The following CCDC60 variants were observed in gnomAD, a reference collection of about 807,000 sequenced individuals.
The protein encoded by CCDC60 is coiled-coil domain-containing protein 60.
A neutral mutation model predicts 63.5 loss-of-function variants in CCDC60; 54 were observed. The ratio of observed to expected loss-of-function variants is 0.85; its 90% CI spans 0.68 to 1.07. The LOEUF (loss-of-function observed/expected upper bound fraction) is 1.07, where lower values mean the gene tolerates loss of function less well. Ranked by LOEUF, CCDC60 falls within the 50% of genes least tolerant of loss-of-function variation. The probability of loss-of-function intolerance (pLI) is 0.00; values close to 1 mark genes in which losing one functional copy is unlikely to be tolerated. For missense variants in CCDC60, 651 were observed against 684.3 expected (o/e 0.95, Z 0.54); for synonymous variants, 206 against 238.8 (o/e 0.86, Z 1.27).
chr12:119,343,704 T>G (rs1463204761), intron 1 of CCDC60, among the ~76,000 whole-genome samples: 7 of 150,172 alleles, frequency 4.7e-5, no homozygotes, highest in Non-Finnish European at 1.0e-4. Flanking sequence ...AAGCTTGAGG[T>G]AGAAACAAGT....
At chr12:119,511,177 C>G (rs1952207560) in intron 7 of CCDC60, among the ~76,000 whole-genome samples, 1 of 152,196 alleles carries the variant, frequency 6.6e-6, no homozygotes, top group South Asian at 2.1e-4. Context: ...TAACCTCCAT[C>G]CAATTTGTCA....
chr12:119,462,983 C>A (rs768959437), intron 2 of CCDC60, among the ~76,000 whole-genome samples: 12 of 152,202 alleles, frequency 7.9e-5, no homozygotes, highest in Non-Finnish European at 1.5e-4. Context: ...GCCACCACGC[C>A]CAGCTAATAT....
At chr12:119,378,908 G>A (rs1274927387) in intron 1 of CCDC60, among the ~76,000 whole-genome samples, 1 of 152,184 alleles carries the variant, frequency 6.6e-6, no homozygotes, top group Non-Finnish European at 1.5e-5. Flanking sequence ...TACATGGTGG[G>A]TAAGCCACCC....
chr12:119,453,769 G>T (rs905824560), intron 2 of CCDC60, among the ~76,000 whole-genome samples: 1 of 151,968 alleles, frequency 6.6e-6, no homozygotes, highest in Admixed American at 6.6e-5. Context: ...TGAAGAAGAA[G>T]AAGAAAGAAG....
chr12:119,497,167 T>C (rs533210801), intron 5 of CCDC60, among the ~76,000 whole-genome samples: 1 of 152,122 alleles, frequency 6.6e-6, no homozygotes, highest in Non-Finnish European at 1.5e-5. Context: ...ACAAAGCAAG[T>C]CACAGTGCTA....
chr12:119,505,606 A>T (rs1261399981), intron 7 of CCDC60, among the ~76,000 whole-genome samples: 1 of 152,234 alleles, frequency 6.6e-6, no homozygotes, highest in African/African-American at 2.4e-5. Flanking sequence ...CTGTAATCCC[A>T]GCACTTTGGG....
At chr12:119,395,613 G>A (rs570499536) in intron 1 of CCDC60, among the ~76,000 whole-genome samples, 22 of 152,318 alleles carry the variant, frequency 1.4e-4, no homozygotes, top group African/African-American at 5.3e-4. Flanking sequence ...TGAAATTTGG[G>A]CAGGGACAAA....
intron 13 of CCDC60, among the ~76,000 whole-genome samples, chr12:119,531,950 A>T (rs958932491): frequency 2.0e-5 from 3 of 152,214 alleles, no homozygotes; most frequent in Admixed American, 2.0e-4. Context: ...CAGGGCCTTC[A>T]ACGCCTCCCT....
chr12:119,350,131 T>C (rs1306281188), intron 1 of CCDC60, among the ~76,000 whole-genome samples: 1 of 152,172 alleles, frequency 6.6e-6, no homozygotes. Context: ...GGTGTGCCCC[T>C]ATCTTGAACC....
chr12:119,413,270 GC>G (rs1239356919), intron 1 of CCDC60, among the ~76,000 whole-genome samples: 1 of 152,182 alleles, frequency 6.6e-6, no homozygotes, highest in African/African-American at 2.4e-5. Context: ...GATGCTGGCA[GC>G]CAATTTCCAT....
chr12:119,405,979 C>G (rs2136187446), intron 1 of CCDC60, among the ~76,000 whole-genome samples: 1 of 152,246 alleles, frequency 6.6e-6, no homozygotes, highest in African/African-American at 2.4e-5. Context: ...CGAGACCAGC[C>G]TGACCAACAT....
In CCDC60 at chr12:119,420,141, GC is replaced by G. The variant is rs1956786315; in HGVS notation, c.91-8541del. ...TCCACCCGCCTCGGCCTCCCAAAGT[GC>G]TGAGATTACAGGTATAAGCCACCAT... On this transcript the variant is annotated intron_variant, in intron 1 of 13. Coordinates refer to ENST00000327554, the MANE Select transcript of CCDC60 (RefSeq NM_178499.5). The surrounding 1 kb of genome is among the most constrained non-coding windows in gnomAD (Gnocchi z 4.1). 6.6e-6 allele frequency among the ~76,000 whole-genome samples: 1 copy of G among 152,058 alleles called. No individual in the cohort carries two copies. The highest frequency in any genetic ancestry group is 1.5e-5 in the Non-Finnish European group (1 of 68,006).
intron 5 of CCDC60, among the ~76,000 whole-genome samples, chr12:119,493,712 A>G (rs1003083778): frequency 6.6e-6 from 1 of 152,222 alleles, no homozygotes; most frequent in Admixed American, 6.5e-5. Context: ...GAATGTGCCA[A>G]TTACGTTTCT....
chr12:119,446,119 T>C (rs1240716062), intron 2 of CCDC60, among the ~76,000 whole-genome samples: 1 of 152,026 alleles, frequency 6.6e-6, no homozygotes. Context: ...AGAATATGGG[T>C]GCAAAGTTAA....
chr12:119,387,034 T>TCTCTCACACA lies in CCDC60; in HGVS notation c.91-41648_91-41647insTCTCACACAC, dbSNP rs543330015. 2.1e-3 allele frequency among the ~76,000 whole-genome samples: 218 copies of TCTCTCACACA among 105,442 alleles called. 1 individual carries two copies. The highest frequency in any genetic ancestry group is 8.4e-3 in the Middle Eastern group (2 of 238). 69.2% of individuals were successfully genotyped at this position (105,442 alleles called of 152,430 possible). ...CTCCCTCCCTCCCCCTCTGTCTCTC[T>TCTCTCACACA]CACACACACACACACACACACACAC... On this transcript the variant is annotated intron_variant, in intron 1 of 13. Transcript: ENST00000327554.
chr12:119,379,079 G>A (rs1252465999), intron 1 of CCDC60, among the ~76,000 whole-genome samples: 1 of 152,192 alleles, frequency 6.6e-6, no homozygotes, highest in East Asian at 1.9e-4. Context: ...CCAGGCAGAG[G>A]CCAATTCCAG....
intron 9 of CCDC60, among the ~76,000 whole-genome samples, chr12:119,521,262 T>C (rs781210357): frequency 1.6e-4 from 24 of 152,248 alleles, no homozygotes; most frequent in Non-Finnish European, 3.5e-4. Flanking sequence ...ATTTCCATTT[T>C]GGTTGAAAGT....
chr12:119,496,449 G>A (rs1951717368), intron 5 of CCDC60, among the ~76,000 whole-genome samples: 1 of 152,156 alleles, frequency 6.6e-6, no homozygotes, highest in African/African-American at 2.4e-5. Flanking sequence ...AGCTTCAGCA[G>A]GGGAAAATTA....
At chr12:119,448,414 T>C (rs1431903982) in intron 2 of CCDC60, among the ~76,000 whole-genome samples, 3 of 152,172 alleles carry the variant, frequency 2.0e-5, no homozygotes, top group Non-Finnish European at 4.4e-5. Context: ...TGAGCCTCAG[T>C]TTCTCCATCT....
Sources: allele counts gnomAD v4.1 joint callset (sites outside exome capture counted in the v4.1 genomes callset), GRCh38; gene constraint gnomAD v4.1.1; non-coding constraint Gnocchi (gnomAD v3.1); transcripts MANE v1.5; gene names NCBI Gene and HGNC (gene_info 2026-07-23, HGNC 2026-07-21).